Variants in KCNC2 observed in about 807,000 individuals in gnomAD.
The protein encoded by KCNC2 is potassium voltage-gated channel subfamily C member 2, also known as voltage-gated potassium channel KCNC2.
In KCNC2, 21 loss-of-function variants were observed where a neutral mutation model predicts 44.5. That is an observed-to-expected ratio of 0.47 (90% confidence interval 0.33 to 0.68). The LOEUF (loss-of-function observed/expected upper bound fraction) is 0.68. Among genes scored for constraint, KCNC2 ranks in the 30% least tolerant of loss-of-function variants. The pLI, the probability that KCNC2 is intolerant of heterozygous loss-of-function variation, is 0.01. For synonymous variants in KCNC2, 391 were observed against 339.1 expected (o/e 1.15, Z -1.68); for missense variants, 589 against 826.2 (o/e 0.71, Z 3.52).
At chr12:75,151,154 A>G (rs1473930948) in intron 2 of KCNC2, among the ~76,000 whole-genome samples, 5 of 152,036 alleles carry the variant, frequency 3.3e-5, no homozygotes, top group Non-Finnish European at 7.4e-5. Flanking sequence ...AAGAAAACTA[A>G]TAGAAAAACC....
chr12:75,040,749 A>G lies in KCNC2; in HGVS notation c.*2356T>C, dbSNP rs200432849. 2 of 183,460 alleles carry G rather than the reference A, an allele frequency of 1.1e-5. No individual in the cohort carries two copies. Among genetic ancestry groups the G allele is most frequent in the African/African-American group, 4.7e-5 (2 of 42,902 alleles). 11.4% of individuals were successfully genotyped at this position (183,460 alleles called of 1,614,324 possible). A position where few individuals can be genotyped will look rare whatever the true frequency, so the allele number is the denominator to read the frequency against. On this transcript the variant is annotated 3_prime_UTR_variant, in exon 5 of 5. Transcript: ENST00000549446. ...AGTTCATAGATTCAACCAAAGAAGT[A>G]GAAATAAGGGAAATTAAGACAAAAC...
intron 2 of KCNC2, among the ~76,000 whole-genome samples, chr12:75,148,605 T>C (rs1890180634): frequency 6.6e-6 from 1 of 152,096 alleles, no homozygotes; most frequent in African/African-American, 2.4e-5. Flanking sequence ...AAAGAAGATA[T>C]ATGCTGTGTA....
intron 2 of KCNC2, among the ~76,000 whole-genome samples, chr12:75,081,372 CT>C (rs1005780046): frequency 1.8e-4 from 23 of 126,276 alleles, no homozygotes; most frequent in South Asian, 1.3e-3. Context: ...CACTGCCATT[CT>C]TTTTTTTTTC....
At chr12:75,153,932 A>G (rs2471656) in intron 2 of KCNC2, among the ~76,000 whole-genome samples, 100,047 of 151,588 alleles carry the variant, frequency 0.66, 35,113 homozygotes, top group African/African-American at 0.91. Context: ...AGAGGCAGAA[A>G]AGGTGGAGGA....
chr12:75,078,184 T>A (rs958643434), intron 2 of KCNC2, among the ~76,000 whole-genome samples: 5 of 152,110 alleles, frequency 3.3e-5, no homozygotes, highest in Admixed American at 6.6e-5. Context: ...TATAAATAAG[T>A]GCAAAGAGAA....
At chr12:75,062,377 A>C (rs1193455286) in intron 2 of KCNC2, among the ~76,000 whole-genome samples, 1 of 152,130 alleles carries the variant, frequency 6.6e-6, no homozygotes, top group Admixed American at 6.6e-5. Flanking sequence ...AAGAGCAATA[A>C]AGCCAGGAGA....
chr12:75,175,083 A>T (rs1892092352), intron 2 of KCNC2, among the ~76,000 whole-genome samples: 3 of 151,904 alleles, frequency 2.0e-5, no homozygotes, highest in South Asian at 4.1e-4. Context: ...GCTAGGCAAG[A>T]GAGAAGCAGA....
chr12:75,163,652 T>C (rs1000158728), intron 2 of KCNC2, among the ~76,000 whole-genome samples: 8 of 151,700 alleles, frequency 5.3e-5, no homozygotes, highest in African/African-American at 1.9e-4. Flanking sequence ...CATTTTTGGG[T>C]TTCTTTTTAA....
intron 2 of KCNC2, among the ~76,000 whole-genome samples, chr12:75,151,868 A>G (rs889100471): frequency 2.7e-5 from 4 of 148,436 alleles, no homozygotes; most frequent in Admixed American, 6.8e-5. Context: ...AACATCTGAG[A>G]TATTACCTAG....
chr12:75,130,194 A>G (rs1888729279), intron 2 of KCNC2, among the ~76,000 whole-genome samples: 1 of 152,152 alleles, frequency 6.6e-6, no homozygotes, highest in Admixed American at 6.6e-5. Context: ...GTCTTATTTC[A>G]TATAATTTTA....
At chr12:75,104,159 G>T (rs760532900) in intron 2 of KCNC2, among the ~76,000 whole-genome samples, 2 of 152,096 alleles carry the variant, frequency 1.3e-5, no homozygotes, top group African/African-American at 2.4e-5. Context: ...CTGATGATGC[G>T]TCAGAAGGAG....
At chr12:75,131,721 G>GC (rs1888858246) in intron 2 of KCNC2, among the ~76,000 whole-genome samples, 1 of 152,104 alleles carries the variant, frequency 6.6e-6, no homozygotes, top group South Asian at 2.1e-4. Context: ...AGTGAAGATG[G>GC]CCCTCTGACA....
rs1232351793 is a variant in KCNC2, at chr12:75,207,507, G to C, written c.477C>G (p.His159Gln). Reference protein sequence around the residue: ...EPCCWMTYRQHRDAEEALDIF... With the variant: ...EPCCWMTYRQQRDAEEALDIF... ...TGTCCAGCGCCTCCTCGGCGTCGCG[G>C]TGCTGCCGGTAGGTCATCCAGCAGC... The change falls in exon 2 of 5, where the codon CAC (histidine) becomes CAG (glutamine). Residue 159 changes from histidine to glutamine, a missense_variant. Around this residue, in one of 7 missense-constraint regions of KCNC2, gnomAD observed 40 missense variants for 102.0 expected, o/e 0.39. Transcript: ENST00000549446. The surrounding 1 kb of genome is among the most constrained non-coding windows in gnomAD (Gnocchi z 4.1). The C allele has an allele frequency of 1.2e-6, 2 of 1,612,262 alleles. No homozygotes were observed. The highest frequency in any genetic ancestry group is 2.7e-5 in the African/African-American group (2 of 74,846).
intron 2 of KCNC2, among the ~76,000 whole-genome samples, chr12:75,085,529 T>A (rs182097704): frequency 1.5e-4 from 23 of 152,152 alleles, no homozygotes; most frequent in Non-Finnish European, 2.2e-4. Context: ...ATCACTTAAG[T>A]CTCCTACAAT....
intron 2 of KCNC2, among the ~76,000 whole-genome samples, chr12:75,143,430 A>C (rs370036716): frequency 3.9e-5 from 6 of 152,184 alleles, no homozygotes; most frequent in African/African-American, 1.4e-4. Context: ...CAGAATTTCC[A>C]TCAAGTGTAC....
chr12:75,050,416 T>C lies in KCNC2; in HGVS notation c.1589A>G (p.Asn530Ser), dbSNP rs1881042823. 2 of 1,612,164 alleles carry C rather than the reference T, an allele frequency of 1.2e-6. No individual in the cohort carries two copies. Among genetic ancestry groups the C allele is most frequent in the Non-Finnish European group, 1.7e-6 (2 of 1,179,092 alleles). ...TGATCTGTTATGTTCCAGAAGTCGA[T>C]TGTCTTTGCCCAGACATGTGTCACT... ...TQSDTCLGKDNRLLEHNRSVL... is the reference protein window; with the variant it reads ...TQSDTCLGKDSRLLEHNRSVL... Residue 530 changes from asparagine to serine, a missense_variant, in exon 3 of 5, where the codon AAT becomes AGT. Coordinates refer to ENST00000549446, the MANE Select transcript of KCNC2 (RefSeq NM_139137.4).
At chr12:75,115,798 GAAAC>G (rs1887619592) in intron 2 of KCNC2, among the ~76,000 whole-genome samples, 1 of 151,840 alleles carries the variant, frequency 6.6e-6, no homozygotes, top group African/African-American at 2.4e-5. Context: ...AATTATTTAA[GAAAC>G]AAAATTATTA....
intron 2 of KCNC2, among the ~76,000 whole-genome samples, chr12:75,128,026 A>G (rs1041253838): frequency 6.6e-6 from 1 of 152,176 alleles, no homozygotes; most frequent in African/African-American, 2.4e-5. Flanking sequence ...ATGATAAAGA[A>G]AAATCTTCCA....
chr12:75,188,726 G>T (rs1165135801), intron 2 of KCNC2, among the ~76,000 whole-genome samples: 10 of 151,872 alleles, frequency 6.6e-5, no homozygotes, highest in East Asian at 1.9e-4. Context: ...TGGGCATGGT[G>T]GTGCGTGCCT....
Sources: gnomAD v4.1 joint callset for allele counts (sites outside exome capture counted in the v4.1 genomes callset) on GRCh38, gnomAD v4.1.1 for gene constraint, gnomAD v4.1.1 regional missense constraint, Gnocchi (gnomAD v3.1) non-coding constraint, MANE v1.5 for transcripts, NCBI Gene and HGNC (gene_info 2026-07-23, HGNC 2026-07-21) for gene names.